P2RX2: variants seen among roughly 807,000 people sequenced by gnomAD.
P2RX2 encodes purinergic receptor P2X 2, also known as P2X purinoceptor 2.
A neutral mutation model predicts 54.8 loss-of-function variants in P2RX2; 50 were observed. The observed-to-expected ratio is 0.91, with a 90% CI of 0.73 to 1.15. The LOEUF is 1.15. P2RX2 is among the 50% of genes most tolerant of loss of function. The pLI, the probability that P2RX2 is intolerant of heterozygous loss-of-function variation, is 0.00. For missense variants in P2RX2, 658 were observed against 633.2 expected, an observed-to-expected ratio of 1.04 and a Z score of -0.42; for synonymous variants, 289 against 259.4, an observed-to-expected ratio of 1.11 and a Z score of -1.09.
chr12:132,621,056 C>G lies in P2RX2; in HGVS notation c.830C>G (p.Ser277Trp). 1 of 1,614,092 alleles carries G rather than the reference C, an allele frequency of 6.2e-7. No homozygotes were observed. Among genetic ancestry groups the G allele is most frequent in the Non-Finnish European group, 8.5e-7 (1 of 1,179,940 alleles). The change falls in exon 8 of 11, where the codon TCG becomes TGG. Residue 277 changes from serine to tryptophan, a missense_variant. Coordinates refer to ENST00000643471, the MANE Select transcript of P2RX2 (RefSeq NM_170682.4). ...NWDCDLDLPA[S>W]ECNPKYSFRR... ...GACTGTGACCTGGACCTGCCTGCAT[C>G]GGAGTGCAACCCCAAGTACTCCTTC... is the stretch of plus-strand genomic sequence containing the variant.
chr12:132,621,397 G>A lies in P2RX2; in HGVS notation c.996+52G>A, dbSNP rs768316971. 23 of 1,610,152 alleles carry A rather than the reference G, an allele frequency of 1.4e-5. No individual in the cohort carries two copies. In the East Asian group the frequency reaches 3.8e-4, roughly 27 times the overall value. On this transcript the variant is annotated intron_variant, in intron 9 of 10. Transcript: ENST00000643471. ...GCCAGCCCTGCTAGCCTGGGTCTGA[G>A]CTCCTCACGCCCCACCCCTCCCTTA...
Position 132,621,261 on chromosome 12 carries a change from CA to C in P2RX2, c.915del (p.Lys305AsnfsTer34). On this transcript the variant is annotated frameshift_variant, in exon 9 of 11. Coordinates refer to ENST00000643471, the MANE Select transcript of P2RX2 (RefSeq NM_170682.4). LOFTEE classifies it high-confidence loss of function. ...ASSGYNFRFA[K>X]YYKINGTTTR... Reference sequence around the variant, plus strand: ...ACTGGCGTTCCCATTGCAGGTTTGCCAAATACTACAAGATCAATGGCACCAC... The same window carrying C: ...ACTGGCGTTCCCATTGCAGGTTTGCCAATACTACAAGATCAATGGCACCAC... The C allele has an allele frequency of 6.2e-7, 1 of 1,613,984 alleles. No individual in the cohort carries two copies. The highest frequency in any genetic ancestry group is 2.2e-5 in the East Asian group (1 of 44,884).
chr12:132,621,347 T>C lies in P2RX2; in HGVS notation c.996+2T>C. The C allele has an allele frequency of 6.2e-7, 1 of 1,613,864 alleles. No homozygotes were observed. Among genetic ancestry groups the C allele is most frequent in the South Asian group, 1.1e-5 (1 of 91,074 alleles). On this transcript the variant is annotated splice_donor_variant, in intron 9 of 10. Coordinates refer to ENST00000643471, the MANE Select transcript of P2RX2 (RefSeq NM_170682.4). LOFTEE classifies it high-confidence loss of function. ...ATTGACGTCATTGTGCATGGACAGG[T>C]GCCTGCACCTGCTGGGGGTGGGTGG... is the stretch of plus-strand genomic sequence containing the variant.
In P2RX2 at chr12:132,621,944, C is replaced by G; in HGVS notation, c.1388C>G (p.Thr463Arg). ...ASEPAQASTPTDPKGLAQL is the reference protein window; with the variant it reads ...ASEPAQASTPRDPKGLAQL ...GAGCCTGCCCAAGCCTCCACACCCA[C>G]AGACCCCAAAGGTTTGGCTCAACTC... The change falls in exon 11 of 11, where the codon ACA (threonine) becomes AGA (arginine). Residue 463 changes from threonine (T) to arginine (R), a missense_variant. By Grantham distance (71) the Thr-to-Arg change is moderately conservative. Coordinates refer to ENST00000643471, the MANE Select transcript of P2RX2 (RefSeq NM_170682.4). The G allele has an allele frequency of 1.2e-6, 2 of 1,613,868 alleles. No individual in the cohort carries two copies. The highest frequency in any genetic ancestry group is 1.3e-5 in the African/African-American group (1 of 75,074).
chr12:132,621,921 G>A lies in P2RX2; in HGVS notation c.1365G>A (p.Glu455=). 1 of 1,613,748 alleles carries A rather than the reference G, an allele frequency of 6.2e-7. No individual in the cohort carries two copies. Residue 455 remains glutamate, a synonymous_variant, in exon 11 of 11, where the codon GAG becomes GAA. Coordinates refer to ENST00000643471, the MANE Select transcript of P2RX2 (RefSeq NM_170682.4). The part of the protein sequence containing the change: ...SEQMVDTPAS[E]PAQASTPTDP... ...AGATGGTGGACACTCCTGCCTCCGAGCCTGCCCAAGCCTCCACACCCACAG... is the reference window on the plus strand; with the variant it reads ...AGATGGTGGACACTCCTGCCTCCGAACCTGCCCAAGCCTCCACACCCACAG...
At chr12:132,621,226 A>G in intron 8 of P2RX2, 29 bp from the exon 9 acceptor site, 1 of 1,613,876 alleles carries the variant, frequency 6.2e-7, no homozygotes, top group Non-Finnish European at 8.5e-7. Flanking sequence ...AGTGCAGAGG[A>G]CGAGTGGGCA....
chr12:132,619,972 T>C (rs760488407), intron 4 of P2RX2, 28 bp from the exon 5 acceptor site: 1 of 1,576,682 alleles, frequency 6.3e-7, no homozygotes, highest in South Asian at 1.2e-5. Context: ...GCGTCCCCGC[T>C]AATGCCTCAG....
In P2RX2 at chr12:132,620,046, G is replaced by A; in HGVS notation, c.504G>A (p.Lys168=). Residue 168 remains lysine (K), a synonymous_variant, in exon 5 of 11, where the codon AAG becomes AAA. Transcript: ENST00000643471. ...RCVPYYQGPS[K]TCEVFGWCPV... is the part of the protein sequence containing the mutation. ...TGCCCTATTACCAGGGGCCCTCCAA[G>A]ACCTGCGAGGTGTTCGGCTGGTGCC... is the stretch of plus-strand genomic sequence containing the variant. 1 of 1,590,370 alleles carries A rather than the reference G, an allele frequency of 6.3e-7. No homozygotes were observed. The highest frequency in any genetic ancestry group is 8.5e-7 in the Non-Finnish European group (1 of 1,169,898).
At chr12:132,619,638 C>T (rs758072409) in intron 2 of P2RX2, 41 bp from the exon 3 acceptor site, 90 of 1,581,294 alleles carry the variant, frequency 5.7e-5, no homozygotes, top group Non-Finnish European at 7.3e-5. Context: ...GAGGGGGCAG[C>T]GGCTGCCGCC....
chr12:132,618,890 T>G lies in P2RX2; in HGVS notation c.74T>G (p.Leu25Arg). 1 of 1,370,662 alleles carries G rather than the reference T, an allele frequency of 7.3e-7. No homozygotes were observed. Among genetic ancestry groups the G allele is most frequent in the Non-Finnish European group, 9.5e-7 (1 of 1,053,932 alleles). The allele number at this position is 1,370,662 out of a possible 1,614,324, so 84.9% of individuals were successfully genotyped here. ...CTGGCCCGGGGCTGCTGGTCCGCCCTCTGGGACTACGAGACGCCCAAGGTG... is the reference window on the plus strand; with the variant it reads ...CTGGCCCGGGGCTGCTGGTCCGCCCGCTGGGACTACGAGACGCCCAAGGTG... ...RRLARGCWSA[L>R]WDYETPKVIV... Residue 25 changes from leucine (L) to arginine (R), a missense_variant, in exon 1 of 11, where the codon CTC (leucine) becomes CGC (arginine). Leu to Arg is a moderately radical substitution (Grantham distance 102). Transcript: ENST00000643471.
rs746230060 is a variant in P2RX2, at chr12:132,618,828, C to G, written c.12C>G (p.Ala4=). The stretch of plus-strand genomic sequence containing the variant: ...GGGCCGCCCGCGCCATGGCCGCCGC[C>G]CAGCCCAAGTACCCCGCCGGGGCGA... MAA[A]QPKYPAGATA... is the part of the protein sequence containing the mutation. Residue 4 remains alanine (A), a synonymous_variant, in exon 1 of 11, where the codon GCC becomes GCG. Coordinates refer to ENST00000643471, the MANE Select transcript of P2RX2 (RefSeq NM_170682.4). 1 of 1,302,148 alleles carries G rather than the reference C, an allele frequency of 7.7e-7. No individual in the cohort carries two copies. The highest frequency in any genetic ancestry group is 1.5e-5 in the African/African-American group (1 of 65,410). The allele number at this position is 1,302,148 out of a possible 1,614,324, so 80.7% of individuals were successfully genotyped here.
chr12:132,621,471 C>A lies in P2RX2; in HGVS notation c.997-4C>A. ...ATTCTGACCACGACCCCCATTCTCC[C>A]CAGGCCGGGAAGTTCAGCCTGATTC... On this transcript the variant is annotated splice_polypyrimidine_tract_variant and splice_region_variant and intron_variant, in intron 9 of 10. Transcript: ENST00000643471. 1.3e-6 allele frequency: 2 copies of A among 1,567,564 alleles called. No homozygotes were observed. The highest frequency in any genetic ancestry group is 1.7e-6 in the Non-Finnish European group (2 of 1,155,126).
At position 132,618,858 on chromosome 12, in the gene P2RX2, C is replaced by T. The variant is rs376966028; in HGVS notation, c.42C>T (p.Ala14=). The T allele has an allele frequency of 1.7e-4, 229 of 1,370,152 alleles. No individual in the cohort carries two copies. In the African/African-American group the frequency reaches 3.2e-3, roughly 19 times the overall value. The allele number at this position is 1,370,152 out of a possible 1,614,324, so 84.9% of individuals were successfully genotyped here. A position where few individuals can be genotyped will look rare whatever the true frequency, so the allele number is the denominator to read the frequency against. ...CCAAGTACCCCGCCGGGGCGACCGCCCGGCGCCTGGCCCGGGGCTGCTGGT... is the reference window on the plus strand; with the variant it reads ...CCAAGTACCCCGCCGGGGCGACCGCTCGGCGCCTGGCCCGGGGCTGCTGGT... ...AQPKYPAGAT[A]RRLARGCWSA... is the part of the protein sequence containing the mutation. The change falls in exon 1 of 11, where the codon GCC becomes GCT. Residue 14 remains alanine (A), a synonymous_variant. Transcript: ENST00000643471.
In P2RX2 at chr12:132,620,461, C is replaced by G. The variant is rs1331098154; in HGVS notation, c.652C>G (p.Arg218Gly). Residue 218 changes from arginine to glycine, a missense_variant, in exon 7 of 11, where the codon CGC becomes GGC. Transcript: ENST00000643471. The part of the protein sequence containing the change: ...FHFSKGNIAD[R>G]TDGYLKRCTF... ...CCTCCTCAGGGGCAACATCGCCGACCGCACAGACGGGTACCTGAAGCGCTG... is the reference window on the plus strand; with the variant it reads ...CCTCCTCAGGGGCAACATCGCCGACGGCACAGACGGGTACCTGAAGCGCTG... 6.8e-6 allele frequency: 11 copies of G among 1,614,076 alleles called. No individual in the cohort carries two copies. Among genetic ancestry groups the G allele is most frequent in the Non-Finnish European group, 9.3e-6 (11 of 1,180,012 alleles).
rs201946408 is a variant in P2RX2, at chr12:132,619,861, C to G, written c.399C>G (p.Asn133Lys). 1.9e-6 allele frequency: 3 copies of G among 1,611,322 alleles called. No homozygotes were observed. The highest frequency in any genetic ancestry group is 2.5e-6 in the Non-Finnish European group (3 of 1,179,560). Residue 133 changes from asparagine (N) to lysine (K), a missense_variant, in exon 4 of 11, where the codon AAC (asparagine) becomes AAG (lysine). Transcript: ENST00000643471. Reference protein sequence around the residue: ...GTCPESIRVHNATCLSDADCV... With the variant: ...GTCPESIRVHKATCLSDADCV... ...CACCCTAGAGCATAAGGGTCCACAA[C>G]GCCACCTGCCTCTCCGACGCCGACT...
rs747389845 is a variant in P2RX2, at chr12:132,619,938, G to C, written c.457+19G>C. The C allele has an allele frequency of 3.8e-6, 6 of 1,593,960 alleles. No homozygotes were observed. The highest frequency in any genetic ancestry group is 8.5e-7 in the Non-Finnish European group (1 of 1,172,124). ...GGAAACGGTCGGTGTGCGCCAGCTG[G>C]GGCTGGGCGGGTGGGGCAGGGCTGC... On this transcript the variant is annotated intron_variant, in intron 4 of 10. Coordinates refer to ENST00000643471, the MANE Select transcript of P2RX2 (RefSeq NM_170682.4).
chr12:132,620,794 C>T, intron 7 of P2RX2, among the ~76,000 whole-genome samples: 1 of 152,194 alleles, frequency 6.6e-6, no homozygotes, highest in East Asian at 1.9e-4. Context: ...CCCCTTGTGC[C>T]TCAGACACTG....
rs770177827 is a variant in P2RX2, at chr12:132,621,636, C to A, written c.1080C>A (p.Asp360Glu). 1.4e-5 allele frequency: 22 copies of A among 1,613,544 alleles called. No individual in the cohort carries two copies. The highest frequency in any genetic ancestry group is 5.0e-5 in the Admixed American group (3 of 59,952). The change falls in exon 11 of 11, where the codon GAC (aspartate) becomes GAA (glutamate). Residue 360 changes from aspartate (D) to glutamate (E), a missense_variant. By Grantham distance (45) the Asp-to-Glu change is conservative (BLOSUM62 2). Transcript: ENST00000643471. ...TSVGVGSFLCDWILLTFMNKN... is the reference protein window; with the variant it reads ...TSVGVGSFLCEWILLTFMNKN... ...GGCCCCAGGGCTCCTTCCTGTGCGACTGGATCTTGCTAACATTCATGAACA... is the reference window on the plus strand; with the variant it reads ...GGCCCCAGGGCTCCTTCCTGTGCGAATGGATCTTGCTAACATTCATGAACA...
chr12:132,619,435 G>A lies in P2RX2; in HGVS notation c.174-4G>A. The A allele has an allele frequency of 6.2e-7, 1 of 1,611,406 alleles. No individual in the cohort carries two copies. Among genetic ancestry groups the A allele is most frequent in the Non-Finnish European group, 8.5e-7 (1 of 1,179,082 alleles). ...TCCGGAGCCGGCGCCGCCCCTGCCCGCAGGTACGTATTCATCGTGCAGAAA... is the reference window on the plus strand; with the variant it reads ...TCCGGAGCCGGCGCCGCCCCTGCCCACAGGTACGTATTCATCGTGCAGAAA... On this transcript the variant is annotated splice_polypyrimidine_tract_variant and splice_region_variant and intron_variant, in intron 1 of 10. Transcript: ENST00000643471.
Sources: allele counts gnomAD v4.1 joint callset (sites outside exome capture counted in the v4.1 genomes callset), GRCh38; gene constraint gnomAD v4.1.1; transcripts MANE v1.5; gene names NCBI Gene and HGNC (gene_info 2026-07-23, HGNC 2026-07-21).